RXFP2: variants seen among roughly 807,000 people sequenced by gnomAD.
RXFP2 encodes relaxin family peptide receptor 2.
RXFP2 carries 68 observed loss-of-function variants against 88.6 expected under a neutral mutation model. That is an observed-to-expected ratio of 0.77 (90% CI 0.63 to 0.94). The LOEUF (loss-of-function observed/expected upper bound fraction) is 0.94. Among genes scored for constraint, RXFP2 ranks in the 40% least tolerant of loss-of-function variants. RXFP2 has a pLI of 0.00. For synonymous variants in RXFP2, 329 were observed against 306.8 expected (o/e 1.07, Z -0.76); for missense variants, 791 against 893.9 (o/e 0.88, Z 1.47).
At chr13:31,751,721 C>T (rs1170263156) in intron 1 of RXFP2, among the ~76,000 whole-genome samples, 6 of 152,110 alleles carry the variant, frequency 3.9e-5, no homozygotes, top group African/African-American at 1.2e-4. Flanking sequence ...AAGGTACCAC[C>T]TTCTCTCCAC....
Position 31,739,539 on chromosome 13 carries a change from C to T in RXFP2, c.-74C>T. On this transcript the variant is annotated 5_prime_UTR_variant, in exon 1 of 18. Transcript: ENST00000298386. ...GTGAGCATGCTCAGAACATGGGAGG[C>T]ACTGAACTTACTACATCAGAACTCC... The T allele has an allele frequency of 2.2e-6, 2 of 898,142 alleles. No homozygotes were observed. Among genetic ancestry groups the T allele is most frequent in the South Asian group, 1.3e-5 (1 of 75,926 alleles). The allele number at this position is 898,142 out of a possible 1,614,324, so 55.6% of individuals were successfully genotyped here. A position where few individuals can be genotyped will look rare whatever the true frequency, so the allele number is the denominator to read the frequency against.
chr13:31,766,066 C>T (rs1198371910), intron 5 of RXFP2, 39 bp downstream of exon 5: 1 of 827,966 alleles, frequency 1.2e-6, no homozygotes, highest in East Asian at 2.6e-5. Flanking sequence ...TAAAAAAAAT[C>T]CTCGTGGTGG....
intron 10 of RXFP2, 72 bp downstream of exon 10, chr13:31,781,814 CA>C (rs953527768): frequency 2.4e-6 from 3 of 1,267,986 alleles, no homozygotes; most frequent in Non-Finnish European, 3.4e-6. Context: ...AAAACATTGA[CA>C]AAAAATTTTA....
rs368040036 is a variant in RXFP2, at chr13:31,741,161, T to C, written c.94+1455T>C. 1.1e-4 allele frequency among the ~76,000 whole-genome samples: 17 copies of C among 152,218 alleles called. No homozygotes were observed. In the East Asian group the frequency reaches 3.3e-3, roughly 29 times the overall value. On this transcript the variant is annotated intron_variant, in intron 1 of 17. Transcript: ENST00000298386. Reference sequence around the variant, plus strand: ...AATAACATTTTGTGATTTACCATAATGTAAAGTCACCCTTTAAACTAAAAA... The same window carrying C: ...AATAACATTTTGTGATTTACCATAACGTAAAGTCACCCTTTAAACTAAAAA...
At chr13:31,763,898 A>T (rs889997856) in intron 3 of RXFP2, among the ~76,000 whole-genome samples, 11 of 152,222 alleles carry the variant, frequency 7.2e-5, no homozygotes, top group South Asian at 2.1e-4. Flanking sequence ...TAATTAACAT[A>T]TATGTATAGA....
At chr13:31,772,697 C>A (rs1872776632) in intron 5 of RXFP2, among the ~76,000 whole-genome samples, 1 of 152,104 alleles carries the variant, frequency 6.6e-6, no homozygotes, top group Non-Finnish European at 1.5e-5. Context: ...GGGTGGCAAC[C>A]AGCTAACTAA....
intron 1 of RXFP2, among the ~76,000 whole-genome samples, chr13:31,749,744 CTT>C (rs1190129136): frequency 1.3e-5 from 2 of 152,102 alleles, no homozygotes; most frequent in Non-Finnish European, 2.9e-5. Context: ...TTTATAGAAA[CTT>C]TGCAAAATTC....
chr13:31,763,592 C>T (rs1027626301), intron 3 of RXFP2, among the ~76,000 whole-genome samples: 1 of 151,820 alleles, frequency 6.6e-6, no homozygotes, highest in Non-Finnish European at 1.5e-5. Context: ...TTATTCCAAT[C>T]CCCAGAAAAT....
At chr13:31,744,886 C>T (rs536992435) in intron 1 of RXFP2, among the ~76,000 whole-genome samples, 90 of 152,150 alleles carry the variant, frequency 5.9e-4, no homozygotes, top group Middle Eastern at 3.4e-3. Flanking sequence ...AAAGCTCTAT[C>T]AGCTGGGCGT....
intron 16 of RXFP2, among the ~76,000 whole-genome samples, chr13:31,795,334 G>C (rs1873979604): frequency 6.6e-6 from 1 of 151,934 alleles, no homozygotes; most frequent in African/African-American, 2.4e-5. Flanking sequence ...ATTTTTAGTA[G>C]AGTCCAGGTT....
At chr13:31,755,490 G>T (rs1318401057) in intron 1 of RXFP2, among the ~76,000 whole-genome samples, 2 of 151,928 alleles carry the variant, frequency 1.3e-5, no homozygotes, top group African/African-American at 4.8e-5. Context: ...ACGGCTGGGT[G>T]CATGCTGGAT....
intron 1 of RXFP2, among the ~76,000 whole-genome samples, chr13:31,745,751 G>A (rs1871383921): frequency 1.3e-5 from 2 of 152,314 alleles, no homozygotes; most frequent in South Asian, 4.1e-4. Context: ...CTGTGGAAGA[G>A]TATGATGTGA....
intron 1 of RXFP2, among the ~76,000 whole-genome samples, chr13:31,750,298 C>T (rs374820104): frequency 6.6e-5 from 10 of 152,188 alleles, no homozygotes; most frequent in African/African-American, 2.2e-4. Flanking sequence ...CAAAGGAATA[C>T]ATTTTTCATA....
chr13:31,793,526 G>C (rs1378115229), intron 16 of RXFP2, among the ~76,000 whole-genome samples: 1 of 151,882 alleles, frequency 6.6e-6, no homozygotes, highest in Non-Finnish European at 1.5e-5. Flanking sequence ...GAAATACCAG[G>C]AAGGTTTATT....
chr13:31,783,839 AT>A, intron 11 of RXFP2, among the ~76,000 whole-genome samples: 1 of 151,564 alleles, frequency 6.6e-6, no homozygotes, highest in Non-Finnish European at 1.5e-5. Context: ...TTTGAGATGG[AT>A]TTTTTTGCTC....
chr13:31,789,814 G>A (rs371363457), intron 14 of RXFP2, among the ~76,000 whole-genome samples: 1 of 152,222 alleles, frequency 6.6e-6, no homozygotes, highest in Admixed American at 6.5e-5. Context: ...AAGATTACAA[G>A]TTGGGTACAG....
chr13:31,760,119 G>A (rs1249250797), intron 2 of RXFP2, among the ~76,000 whole-genome samples: 2 of 152,010 alleles, frequency 1.3e-5, no homozygotes, highest in Non-Finnish European at 2.9e-5. Context: ...ATGGAGTCTT[G>A]CTCTTGTTGC....
chr13:31,775,428 T>C (rs1872903116), intron 7 of RXFP2, 39 bp downstream of exon 7: 3 of 1,406,604 alleles, frequency 2.1e-6, no homozygotes, highest in Non-Finnish European at 2.0e-6. Context: ...TAGAGGATCA[T>C]AGTCTTGATG....
intron 3 of RXFP2, among the ~76,000 whole-genome samples, chr13:31,763,118 C>T (rs558439194): frequency 1.2e-4 from 17 of 138,842 alleles, no homozygotes; most frequent in Non-Finnish European, 1.7e-4. Context: ...GCATCTCACT[C>T]TGTTGCCCAG....
Sources: gnomAD v4.1 joint callset for allele counts (sites outside exome capture counted in the v4.1 genomes callset) on GRCh38, gnomAD v4.1.1 for gene constraint, MANE v1.5 for transcripts, NCBI Gene and HGNC (gene_info 2026-07-23, HGNC 2026-07-21) for gene names.